Variants in DPYD observed in about 807,000 individuals in gnomAD.
DPYD encodes dihydropyrimidine dehydrogenase.
In DPYD, 109 loss-of-function variants were observed where a neutral mutation model predicts 116.2. The observed-to-expected ratio is 0.94, with a 90% confidence interval of 0.80 to 1.10. The LOEUF (loss-of-function observed/expected upper bound fraction) is 1.10, where lower values mean the gene tolerates loss of function less well. DPYD is among the 50% of genes least tolerant of loss of function. DPYD has a pLI of 0.00. For missense variants in DPYD, 1,302 were observed against 1,254.5 expected, an observed-to-expected ratio of 1.04 and a Z score of -0.57; for synonymous variants, 440 against 432.0, an observed-to-expected ratio of 1.02 and a Z score of -0.23.
intron 2 of DPYD, among the ~76,000 whole-genome samples, chr1:97,850,231 T>C (rs1016014633): frequency 3.3e-5 from 5 of 152,188 alleles, no homozygotes; most frequent in African/African-American, 9.7e-5. Context: ...CCGCAGGCAA[T>C]TGAAATAGGT....
At chr1:97,492,885 C>T (rs1027218835) in intron 13 of DPYD, among the ~76,000 whole-genome samples, 10 of 151,982 alleles carry the variant, frequency 6.6e-5, no homozygotes, top group Admixed American at 6.6e-4. Context: ...TCTAAAAAAT[C>T]AATAATTTAA....
intron 20 of DPYD, among the ~76,000 whole-genome samples, chr1:97,158,884 T>C (rs185963662): frequency 4.1e-4 from 62 of 152,268 alleles, no homozygotes; most frequent in African/African-American, 1.4e-3. Context: ...GATATTTCAG[T>C]CAGTTGCTAA....
chr1:97,803,810 A>G (rs995117251), intron 3 of DPYD, among the ~76,000 whole-genome samples: 1 of 151,874 alleles, frequency 6.6e-6, no homozygotes, highest in African/African-American at 2.4e-5. Context: ...CATGCGTTAC[A>G]TGGTTAGTTT....
intron 8 of DPYD, among the ~76,000 whole-genome samples, chr1:97,597,810 A>G (rs1259856634): frequency 2.6e-5 from 4 of 152,076 alleles, no homozygotes; most frequent in Non-Finnish European, 4.4e-5. Context: ...AAATAGCCCA[A>G]TTCCCTAAAA....
chr1:97,887,327 G>T (rs1056208858), intron 1 of DPYD, among the ~76,000 whole-genome samples: 1 of 151,108 alleles, frequency 6.6e-6, no homozygotes, highest in Non-Finnish European at 1.5e-5. Flanking sequence ...AAAATTAGCC[G>T]GGCATGGTGG....
At chr1:97,754,098 G>A (rs908462163) in intron 3 of DPYD, among the ~76,000 whole-genome samples, 2 of 152,022 alleles carry the variant, frequency 1.3e-5, no homozygotes, top group Non-Finnish European at 2.9e-5. Context: ...GGAAATTTCA[G>A]GAAATTAATG....
chr1:97,782,760 T>C (rs562732342), intron 3 of DPYD, among the ~76,000 whole-genome samples: 2 of 152,328 alleles, frequency 1.3e-5, no homozygotes, highest in African/African-American at 4.8e-5. Flanking sequence ...TCTTAAATCA[T>C]TTATAAAGAG....
intron 2 of DPYD, among the ~76,000 whole-genome samples, chr1:97,848,299 G>A (rs540075410): frequency 7.9e-5 from 12 of 152,210 alleles, no homozygotes; most frequent in Middle Eastern, 3.4e-3. Flanking sequence ...GGGTTTCACC[G>A]TGTTAGCCAG....
chr1:97,742,018 C>T (rs1266013158), intron 3 of DPYD, among the ~76,000 whole-genome samples: 2 of 151,982 alleles, frequency 1.3e-5, no homozygotes, highest in African/African-American at 2.4e-5. Flanking sequence ...AAGAAAAGAA[C>T]GTGACAAGGT....
intron 3 of DPYD, among the ~76,000 whole-genome samples, chr1:97,743,185 A>G (rs1664361556): frequency 6.6e-6 from 1 of 152,148 alleles, no homozygotes; most frequent in South Asian, 2.1e-4. Context: ...TAGTTCACAA[A>G]TAACAGCTGT....
chr1:97,337,025 G>T (rs1371021661), intron 16 of DPYD, among the ~76,000 whole-genome samples: 1 of 152,170 alleles, frequency 6.6e-6, no homozygotes, highest in African/African-American at 2.4e-5. Flanking sequence ...AGCAGAGTAG[G>T]AGAAAGCACA....
At chr1:97,645,497 TTG>T (rs1658206275) in intron 8 of DPYD, among the ~76,000 whole-genome samples, 1 of 152,108 alleles carries the variant, frequency 6.6e-6, no homozygotes. Context: ...AAGAAATAAC[TTG>T]TCTTTTCTAC....
chr1:97,547,489 G>A (rs927458572), intron 12 of DPYD, among the ~76,000 whole-genome samples: 7 of 152,086 alleles, frequency 4.6e-5, no homozygotes, highest in African/African-American at 1.4e-4. Context: ...TCCAGTGTCT[G>A]TCTCTGTTTA....
chr1:97,798,537 T>C (rs1667695183), intron 3 of DPYD, among the ~76,000 whole-genome samples: 1 of 151,942 alleles, frequency 6.6e-6, no homozygotes, highest in South Asian at 2.1e-4. Flanking sequence ...TTGTTAAATA[T>C]TCAATATTTG....
chr1:97,825,748 G>A (rs1444962722), intron 3 of DPYD, among the ~76,000 whole-genome samples: 2 of 151,856 alleles, frequency 1.3e-5, no homozygotes, highest in Non-Finnish European at 2.9e-5. Flanking sequence ...TTGTGCACAT[G>A]TACCCTAGAA....
intron 18 of DPYD, among the ~76,000 whole-genome samples, chr1:97,276,875 T>G (rs549089605): frequency 1.3e-5 from 2 of 152,060 alleles, no homozygotes; most frequent in African/African-American, 4.8e-5. Context: ...CAAAGGGAAA[T>G]AAATTGTTCT....
At chr1:97,671,390 T>C (rs1424281466) in intron 8 of DPYD, among the ~76,000 whole-genome samples, 1 of 152,116 alleles carries the variant, frequency 6.6e-6, no homozygotes, top group Non-Finnish European at 1.5e-5. Context: ...ATATCTGATA[T>C]TCAGCACAGT....
intron 2 of DPYD, among the ~76,000 whole-genome samples, chr1:97,854,688 G>T (rs1303239457): frequency 2.0e-5 from 3 of 152,160 alleles, no homozygotes; most frequent in African/African-American, 7.2e-5. Flanking sequence ...TTGAAAGCTG[G>T]TATTAGTGAA....
intron 2 of DPYD, among the ~76,000 whole-genome samples, chr1:97,862,005 T>C (rs1306300422): frequency 1.3e-5 from 2 of 151,880 alleles, no homozygotes; most frequent in Admixed American, 6.6e-5. Context: ...AATGAAAATA[T>C]TCATGAATAG....
Sources: gnomAD v4.1 joint callset for allele counts (sites outside exome capture counted in the v4.1 genomes callset) on GRCh38, gnomAD v4.1.1 for gene constraint, MANE v1.5 for transcripts, NCBI Gene and HGNC (gene_info 2026-07-23, HGNC 2026-07-21) for gene names.